Variants in PJA2 observed in about 807,000 individuals in gnomAD.
PJA2 encodes the protein E3 ubiquitin-protein ligase Praja-2.
In PJA2, 25 loss-of-function variants were observed where a neutral mutation model predicts 69.3. The ratio of observed to expected loss-of-function variants is 0.36; its 90% CI spans 0.26 to 0.50. The LOEUF (loss-of-function observed/expected upper bound fraction) is 0.50. PJA2 is among the 20% of genes least tolerant of loss of function. The pLI is 0.96. For missense variants in PJA2, 809 were observed against 830.2 expected (o/e 0.97, Z 0.31); for synonymous variants, 308 against 277.8 (o/e 1.11, Z -1.08).
chr5:109,363,118 G>C (rs1762528704), intron 5 of PJA2, 96 bp from the exon 6 acceptor site: 1 of 1,024,734 alleles, frequency 9.8e-7, no homozygotes, highest in Non-Finnish European at 1.3e-6. Context: ...ATTCTGTTGA[G>C]TTCTAAGCTC....
intron 8 of PJA2, 88 bp from the exon 9 acceptor site, chr5:109,344,399 C>T (rs1035922241): frequency 1.5e-6 from 2 of 1,364,272 alleles, no homozygotes; most frequent in African/African-American, 1.5e-5. Context: ...TAGAAGATAC[C>T]TCTGAAAGAC....
At chr5:109,380,035 C>T (rs998830253) in intron 3 of PJA2, among the ~76,000 whole-genome samples, 4 of 149,436 alleles carry the variant, frequency 2.7e-5, no homozygotes, top group African/African-American at 7.4e-5. Flanking sequence ...AACTGAAGTT[C>T]GGCCATGATA....
chr5:109,344,378 T>C (rs889449882), intron 8 of PJA2, 67 bp from the exon 9 acceptor site: 11 of 1,492,912 alleles, frequency 7.4e-6, no homozygotes, highest in South Asian at 2.7e-5. Flanking sequence ...AAAAGCAACA[T>C]ATTATACTCA....
At position 109,339,046 on chromosome 5, in the gene PJA2, T is replaced by A. The variant is rs116888547; in HGVS notation, c.2002-1690A>T. 5.3e-4 allele frequency among the ~76,000 whole-genome samples: 80 copies of A among 152,324 alleles called. 1 individual carries two copies. The East Asian group carries it at 0.014, about 28-fold the overall frequency. On this transcript the variant is annotated intron_variant, in intron 9 of 9. Coordinates refer to ENST00000361189, the MANE Select transcript of PJA2 (RefSeq NM_014819.5). The stretch of plus-strand genomic sequence containing the variant: ...TTACAGATGGTATAGGGAAAAATCA[T>A]GCCAGACTTCAGGAGCAAATGCATA...
intron 8 of PJA2, 61 bp from the exon 9 acceptor site, chr5:109,344,372 G>T: frequency 6.6e-7 from 1 of 1,522,378 alleles, no homozygotes; most frequent in Non-Finnish European, 8.9e-7. Context: ...AAACTGAAAA[G>T]CAACATATTA....
chr5:109,371,540 C>A (rs1256328084), intron 4 of PJA2, among the ~76,000 whole-genome samples: 2 of 152,096 alleles, frequency 1.3e-5, no homozygotes, highest in African/African-American at 4.8e-5. Context: ...AATGTAAAAC[C>A]CTAGTTCAAA....
chr5:109,406,329 C>G (rs1170309407), intron 1 of PJA2, among the ~76,000 whole-genome samples: 3 of 152,238 alleles, frequency 2.0e-5, no homozygotes, highest in East Asian at 3.9e-4. Flanking sequence ...CGTGAGCCAC[C>G]GCGCCAGGCC....
intron 1 of PJA2, among the ~76,000 whole-genome samples, chr5:109,385,823 C>T (rs1747144018): frequency 6.6e-6 from 1 of 152,146 alleles, no homozygotes; most frequent in Non-Finnish European, 1.5e-5. Flanking sequence ...TGAATATTTG[C>T]ATATACATAA....
intron 7 of PJA2, among the ~76,000 whole-genome samples, chr5:109,354,459 TGATATCTAGAGATATCTATAGATTA>T (rs1762368248): frequency 1.7e-5 from 2 of 121,166 alleles, no homozygotes; most frequent in Non-Finnish European, 3.6e-5. Context: ...TAGATATCTA[TGATATCTAGAGATATCTATAGATTA>T]GATATCTATA....
At chr5:109,354,514 CGATATTAGATATCTATAATATCT>C (rs1433723013) in intron 7 of PJA2, among the ~76,000 whole-genome samples, 10 of 33,642 alleles carry the variant, frequency 3.0e-4, no homozygotes, top group African/African-American at 1.6e-3. Context: ...ATATCTATAT[CGATATTAGATATCTATAATATCT>C]ATAGATATCT....
intron 7 of PJA2, among the ~76,000 whole-genome samples, chr5:109,345,031 T>C (rs986653481): frequency 6.6e-6 from 1 of 152,006 alleles, no homozygotes; most frequent in African/African-American, 2.4e-5. Context: ...CCCAACTTTC[T>C]ACATGTGAAA....
intron 6 of PJA2, among the ~76,000 whole-genome samples, chr5:109,361,394 G>A (rs1008740173): frequency 6.6e-6 from 1 of 152,144 alleles, no homozygotes; most frequent in African/African-American, 2.4e-5. Flanking sequence ...ATAGGAAGGA[G>A]CATCTTCACA....
Position 109,355,993 on chromosome 5 carries a change from A to C in PJA2, c.1686T>G (p.Val562=). ...LFDGFADGLG[V]AEAISYVDPQ... is the part of the protein sequence containing the mutation. ...GATCCACATATGAAATAGCTTCAGC[A>C]ACTCCTAGTCCATCTGCAAAGCCAT... The change falls in exon 7 of 10, where the codon GTT becomes GTG. Residue 562 remains valine (V), a synonymous_variant. Coordinates refer to ENST00000361189, the MANE Select transcript of PJA2 (RefSeq NM_014819.5). The C allele has an allele frequency of 6.2e-7, 1 of 1,613,748 alleles. No homozygotes were observed. Among genetic ancestry groups the C allele is most frequent in the Non-Finnish European group, 8.5e-7 (1 of 1,179,900 alleles).
intron 6 of PJA2, among the ~76,000 whole-genome samples, chr5:109,357,423 A>C (rs972893714): frequency 2.0e-5 from 3 of 152,254 alleles, no homozygotes; most frequent in Non-Finnish European, 4.4e-5. Flanking sequence ...CTGGAAATCA[A>C]GTATCACATG....
intron 1 of PJA2, among the ~76,000 whole-genome samples, chr5:109,396,078 C>T (rs1029126745): frequency 9.9e-5 from 15 of 151,536 alleles, no homozygotes; most frequent in Non-Finnish European, 2.1e-4. Context: ...GATGTCAACT[C>T]CAGTGATAAA....
chr5:109,356,907 C>A (rs780290567), intron 6 of PJA2, among the ~76,000 whole-genome samples: 27 of 152,132 alleles, frequency 1.8e-4, no homozygotes, highest in Non-Finnish European at 3.4e-4. Context: ...TGGTCCTACT[C>A]TCCTTCCTCC....
intron 1 of PJA2, among the ~76,000 whole-genome samples, chr5:109,403,562 A>C (rs1327178236): frequency 6.6e-6 from 1 of 152,050 alleles, no homozygotes; most frequent in African/African-American, 2.4e-5. Context: ...AGATGCAAAA[A>C]AAAAAAAAAT....
intron 6 of PJA2, among the ~76,000 whole-genome samples, chr5:109,358,906 G>A (rs748555679): frequency 2.6e-5 from 4 of 152,190 alleles, no homozygotes; most frequent in East Asian, 1.9e-4. Flanking sequence ...AAGTTTGATA[G>A]TTTAAAAAGA....
In PJA2 at chr5:109,368,758, A is replaced by G; in HGVS notation, c.1284-12T>C. 1.2e-6 allele frequency: 2 copies of G among 1,606,898 alleles called. No homozygotes were observed. The highest frequency in any genetic ancestry group is 1.7e-6 in the Non-Finnish European group (2 of 1,177,060). ...CACTGCATTCAGAACTGCAAATCAGAAGAGAAATAAACTATCATAATGTGT... is the reference window on the plus strand; with the variant it reads ...CACTGCATTCAGAACTGCAAATCAGGAGAGAAATAAACTATCATAATGTGT... On this transcript the variant is annotated splice_polypyrimidine_tract_variant and intron_variant, in intron 4 of 9. Transcript: ENST00000361189.
Sources: gnomAD v4.1 joint callset for allele counts (sites outside exome capture counted in the v4.1 genomes callset) on GRCh38, gnomAD v4.1.1 for gene constraint, MANE v1.5 for transcripts, NCBI Gene and HGNC (gene_info 2026-07-23, HGNC 2026-07-21) for gene names.